ZSWIM6: variants seen among roughly 807,000 people sequenced by gnomAD.
ZSWIM6 encodes the protein zinc finger SWIM domain-containing protein 6.
Under a neutral mutation model 113.2 loss-of-function variants are expected in ZSWIM6, and 9 were observed. The observed-to-expected ratio is 0.08, with a 90% CI of 0.05 to 0.14. The LOEUF is 0.14. Among genes scored for constraint, ZSWIM6 ranks in the 10% least tolerant of loss-of-function variants. The pLI is 1.00. For synonymous variants in ZSWIM6, 611 were observed against 606.5 expected, an observed-to-expected ratio of 1.01 and a Z score of -0.11; for missense variants, 1,162 against 1,552.2, an observed-to-expected ratio of 0.75 and a Z score of 4.22.
intron 1 of ZSWIM6, among the ~76,000 whole-genome samples, chr5:61,393,929 A>T (rs1472895496): frequency 6.6e-6 from 1 of 152,080 alleles, no homozygotes; most frequent in Non-Finnish European, 1.5e-5. Flanking sequence ...CAACCTTATT[A>T]TATGATGTAT....
intron 1 of ZSWIM6, chr5:61,391,409 T>C: frequency 1.0e-6 from 1 of 959,298 alleles, no homozygotes; most frequent in Non-Finnish European, 1.7e-6. Flanking sequence ...TGGCGGTACT[T>C]CTTCATGCTG....
intron 1 of ZSWIM6, among the ~76,000 whole-genome samples, chr5:61,400,801 A>T (rs1048274540): frequency 6.6e-6 from 1 of 152,196 alleles, no homozygotes; most frequent in Admixed American, 6.5e-5. Flanking sequence ...CAAGTGGTTG[A>T]TAAAAATGTT....
chr5:61,340,171 A>G (rs1312687668), intron 1 of ZSWIM6, among the ~76,000 whole-genome samples: 1 of 152,180 alleles, frequency 6.6e-6, no homozygotes, highest in Non-Finnish European at 1.5e-5. Flanking sequence ...AAAGATCCCT[A>G]AAGCAAGCTT....
chr5:61,502,118 T>C (rs1457822261), intron 4 of ZSWIM6, among the ~76,000 whole-genome samples: 2 of 152,056 alleles, frequency 1.3e-5, no homozygotes, highest in African/African-American at 4.8e-5. Flanking sequence ...TACCCTGAAG[T>C]GGCAGCATAG....
chr5:61,515,936 C>T (rs1053739379), intron 4 of ZSWIM6, among the ~76,000 whole-genome samples: 6 of 151,910 alleles, frequency 3.9e-5, no homozygotes, highest in Non-Finnish European at 7.4e-5. Context: ...GTATAGTATT[C>T]CTTGTTCTAA....
chr5:61,365,035 T>C (rs2112058676), intron 1 of ZSWIM6, among the ~76,000 whole-genome samples: 1 of 152,300 alleles, frequency 6.6e-6, no homozygotes. Flanking sequence ...TGCCCTATTA[T>C]GGTTCATAGC....
Position 61,489,437 on chromosome 5 carries a change from G to A in ZSWIM6, c.1034-1349G>A, listed in dbSNP as rs117585159. Among the ~76,000 whole-genome samples the A allele has an allele frequency of 3.6e-3, 545 of 151,960 alleles. 20 individuals are homozygous for A. In the East Asian group the frequency reaches 0.093, roughly 26 times the overall value. ...TAAAGGAGAGTTTTTCAATTAGTGGGTGGCCACCTGTTATAGCTTATAAAA... is the reference window on the plus strand; with the variant it reads ...TAAAGGAGAGTTTTTCAATTAGTGGATGGCCACCTGTTATAGCTTATAAAA... On this transcript the variant is annotated intron_variant, in intron 2 of 13. Transcript: ENST00000252744.
chr5:61,338,192 C>G (rs1471533156), intron 1 of ZSWIM6, among the ~76,000 whole-genome samples: 1 of 150,368 alleles, frequency 6.7e-6, no homozygotes, highest in Non-Finnish European at 1.5e-5. Flanking sequence ...GGTGGCAAAG[C>G]AGTAAAAGAA....
At chr5:61,418,545 C>T (rs1435774954) in intron 1 of ZSWIM6, among the ~76,000 whole-genome samples, 4 of 152,098 alleles carry the variant, frequency 2.6e-5, no homozygotes, top group South Asian at 2.1e-4. Context: ...AGGTGTGAGC[C>T]ACTGTGCCCG....
chr5:61,432,266 G>A (rs576331120), intron 1 of ZSWIM6, among the ~76,000 whole-genome samples: 16 of 152,282 alleles, frequency 1.1e-4, no homozygotes, highest in South Asian at 4.1e-4. Flanking sequence ...ATACACAACC[G>A]TTAAATGGAA....
chr5:61,383,079 G>A (rs145198580), intron 1 of ZSWIM6, among the ~76,000 whole-genome samples: 64 of 152,288 alleles, frequency 4.2e-4, no homozygotes, highest in African/African-American at 1.3e-3. Flanking sequence ...TCTCCAAAAA[G>A]TCTGGACACA....
Position 61,472,709 on chromosome 5 carries a change from A to T in ZSWIM6, c.705A>T (p.Glu235Asp). ...VGFHLSGTVT[E>D]PAIQSEPETV... ...TCCACTTGAGCGGCACAGTGACAGA[A>T]CCTGCAATACAATCGGAGCCAGAAA... Residue 235 changes from glutamate to aspartate, a missense_variant, in exon 2 of 14, where the codon GAA becomes GAT. By Grantham distance (45) the Glu-to-Asp change is conservative. Coordinates refer to ENST00000252744, the MANE Select transcript of ZSWIM6 (RefSeq NM_020928.2). The surrounding 1 kb of genome is among the most constrained non-coding windows in gnomAD (Gnocchi z 4.1). 6.5e-7 allele frequency: 1 copy of T among 1,542,902 alleles called. No individual in the cohort carries two copies. Among genetic ancestry groups the T allele is most frequent in the Admixed American group, 2.0e-5 (1 of 50,606 alleles).
intron 1 of ZSWIM6, among the ~76,000 whole-genome samples, chr5:61,396,173 T>C (rs558961733): frequency 6.6e-6 from 1 of 152,306 alleles, no homozygotes; most frequent in African/African-American, 2.4e-5. Context: ...CACCTTCATC[T>C]TCCTCATTTG....
In ZSWIM6 at chr5:61,472,213, G is replaced by A. The variant is rs1357729749; in HGVS notation, c.677-468G>A. 6.6e-6 allele frequency among the ~76,000 whole-genome samples: 1 copy of A among 152,156 alleles called. No homozygotes were observed. Among genetic ancestry groups the A allele is most frequent in the Non-Finnish European group, 1.5e-5 (1 of 68,028 alleles). On this transcript the variant is annotated intron_variant, in intron 1 of 13. Coordinates refer to ENST00000252744, the MANE Select transcript of ZSWIM6 (RefSeq NM_020928.2). The surrounding 1 kb of genome is among the most constrained non-coding windows in gnomAD (Gnocchi z 4.1). ...TATTGGTTGGTTGGAGCCAGCTAGT[G>A]GCTGCCTAGAATAAAGGTGGGGAGA...
At chr5:61,355,490 ACACACACT>A (rs1242732383) in intron 1 of ZSWIM6, among the ~76,000 whole-genome samples, 1 of 128,016 alleles carries the variant, frequency 7.8e-6, no homozygotes, top group African/African-American at 3.0e-5. Context: ...ACACACACAC[ACACACACT>A]ATTAGATGGC....
Position 61,505,680 on chromosome 5 carries a change from T to TTCCCTCCCTCCC in ZSWIM6, c.1333+11271_1333+11272insCCCTCCCTCCCT, listed in dbSNP as rs1482495451. Among the ~76,000 whole-genome samples the TTCCCTCCCTCCC allele has an allele frequency of 7.5e-5, 4 of 53,602 alleles. No homozygotes were observed. In the East Asian group the frequency reaches 1.1e-3, roughly 15 times the overall value. 35.2% of individuals were successfully genotyped at this position (53,602 alleles called of 152,430 possible). On this transcript the variant is annotated intron_variant, in intron 4 of 13. Transcript: ENST00000252744. ...CTTCCTTCCTTCCTTCCTTCTTTCC[T>TTCCCTCCCTCCC]TGCCTCCCTCCCTCCCTTCCTTCCT...
chr5:61,416,157 T>C (rs1161232408), intron 1 of ZSWIM6, among the ~76,000 whole-genome samples: 1 of 152,216 alleles, frequency 6.6e-6, no homozygotes, highest in African/African-American at 2.4e-5. Context: ...TGTTGCTGAA[T>C]TAATCCAGAT....
chr5:61,382,858 G>A (rs1248212656), intron 1 of ZSWIM6, among the ~76,000 whole-genome samples: 4 of 152,056 alleles, frequency 2.6e-5, no homozygotes, highest in Admixed American at 1.3e-4. Flanking sequence ...TTGGTGTTTA[G>A]AGTGCATGGG....
chr5:61,414,533 T>C (rs1247157967), intron 1 of ZSWIM6, among the ~76,000 whole-genome samples: 1 of 152,212 alleles, frequency 6.6e-6, no homozygotes, highest in Non-Finnish European at 1.5e-5. Flanking sequence ...AAAAAAGATA[T>C]TTCCTGTGCC....
Sources: allele counts gnomAD v4.1 joint callset (sites outside exome capture counted in the v4.1 genomes callset), GRCh38; gene constraint gnomAD v4.1.1; non-coding constraint Gnocchi (gnomAD v3.1); transcripts MANE v1.5; gene names NCBI Gene and HGNC (gene_info 2026-07-23, HGNC 2026-07-21).